Variants in CCDC61 observed in about 807,000 individuals in gnomAD.
CCDC61 encodes the protein coiled-coil domain containing 61.
A neutral mutation model predicts 63.0 loss-of-function variants in CCDC61; 55 were observed. The ratio of observed to expected loss-of-function variants is 0.87; its 90% CI spans 0.70 to 1.09. The LOEUF is 1.09. Ranked by LOEUF, CCDC61 falls within the 50% of genes least tolerant of loss-of-function variation. The pLI, the probability that CCDC61 is intolerant of heterozygous loss-of-function variation, is 0.00. For missense variants in CCDC61, 651 were observed against 731.4 expected (o/e 0.89, Z 1.27); for synonymous variants, 270 against 317.0 (o/e 0.85, Z 1.58).
At position 46,015,467 on chromosome 19, in the gene CCDC61, G is replaced by T. The variant is rs1163323246; in HGVS notation, c.845+40G>T. 1 of 1,566,160 alleles carries T rather than the reference G, an allele frequency of 6.4e-7. No individual in the cohort carries two copies. The highest frequency in any genetic ancestry group is 8.6e-7 in the Non-Finnish European group (1 of 1,161,042). Reference sequence around the variant, plus strand: ...TGCCAGGCGCCTGGGCGGATGGGCGGGCCCTGAGGGTGTGGAGGCTGATGA... The same window carrying T: ...TGCCAGGCGCCTGGGCGGATGGGCGTGCCCTGAGGGTGTGGAGGCTGATGA... On this transcript the variant is annotated intron_variant, in intron 7 of 13. Transcript: ENST00000595358. This position sits in a 1 kb window ranked among gnomAD's most constrained non-coding sequence, Gnocchi z 5.3.
intron 3 of CCDC61, among the ~76,000 whole-genome samples, chr19:46,005,270 A>G (rs200824072): frequency 1.4e-5 from 2 of 145,688 alleles, no homozygotes; most frequent in African/African-American, 2.5e-5. Flanking sequence ...TCGGCCTCCC[A>G]AAGTGCTGGG....
intron 4 of CCDC61, among the ~76,000 whole-genome samples, 185 bp downstream of exon 4, chr19:46,006,901 C>T (rs911568799): frequency 6.6e-6 from 1 of 152,212 alleles, no homozygotes; most frequent in Non-Finnish European, 1.5e-5. Flanking sequence ...GAATAACCAT[C>T]ACCAGTGCCC....
chr19:46,006,609 C>G lies in CCDC61; in HGVS notation c.282C>G (p.Ser94=). The change falls in exon 4 of 14, where the codon TCC becomes TCG. Residue 94 remains serine (S), a synonymous_variant. Transcript: ENST00000595358. ...TGCTGACCTACACAGACCTGGAGTC[C>G]CTGCGGAACCGCAAGATGGGGGGCC... is the stretch of plus-strand genomic sequence containing the variant. ...LDLLTYTDLE[S]LRNRKMGGRP... The G allele has an allele frequency of 6.2e-7, 1 of 1,613,608 alleles. No homozygotes were observed. Among genetic ancestry groups the G allele is most frequent in the Admixed American group, 1.7e-5 (1 of 59,974 alleles).
intron 1 of CCDC61, among the ~76,000 whole-genome samples, chr19:45,999,327 G>T (rs932437911): frequency 3.3e-5 from 5 of 152,010 alleles, no homozygotes; most frequent in South Asian, 2.1e-4. Flanking sequence ...GGCAGTGAAG[G>T]GGGGGTTCTA....
At position 46,016,131 on chromosome 19, in the gene CCDC61, G is replaced by A. The variant is rs570212080; in HGVS notation, c.923G>A (p.Arg308Gln). ...TCGTCCCGGGAGCGCTCCGCGTCGC[G>A]AGGCCGCGGCGCCGCGCGCTCCTCA... The part of the protein sequence containing the change: ...ASSSRERSAS[R>Q]GRGAARSSSR... Residue 308 changes from arginine to glutamine, a missense_variant, in exon 8 of 14, where the codon CGA (arginine) becomes CAA (glutamine). By Grantham distance (43) the Arg-to-Gln change is conservative (BLOSUM62 1). Coordinates refer to ENST00000595358, the MANE Select transcript of CCDC61 (RefSeq NM_001267723.2). This position sits in a 1 kb window ranked among gnomAD's most constrained non-coding sequence, Gnocchi z 7.2. The A allele has an allele frequency of 1.6e-6, 2 of 1,243,238 alleles. No individual in the cohort carries two copies. Among genetic ancestry groups the A allele is most frequent in the African/African-American group, 3.1e-5 (2 of 64,080 alleles). The allele number at this position is 1,243,238 out of a possible 1,614,324, so 77.0% of individuals were successfully genotyped here.
At chr19:46,004,804 A>G (rs976550759) in intron 3 of CCDC61, among the ~76,000 whole-genome samples, 13 of 144,956 alleles carry the variant, frequency 9.0e-5, no homozygotes, top group African/African-American at 3.3e-4. Context: ...GTTAGAACTT[A>G]GAGTGACAGG....
intron 1 of CCDC61, among the ~76,000 whole-genome samples, chr19:45,995,959 A>G (rs1347083100): frequency 1.3e-5 from 2 of 152,180 alleles, no homozygotes; most frequent in Non-Finnish European, 2.9e-5. Flanking sequence ...GTGAAGCCCT[A>G]TTATGCCTGT....
At chr19:46,004,276 A>C (rs898954598) in intron 3 of CCDC61, among the ~76,000 whole-genome samples, 5 of 152,146 alleles carry the variant, frequency 3.3e-5, no homozygotes, top group African/African-American at 1.2e-4. Flanking sequence ...AATATCTCAT[A>C]AAAATGTAGT....
intron 1 of CCDC61, among the ~76,000 whole-genome samples, chr19:45,999,526 C>T (rs1568686064): frequency 6.6e-6 from 1 of 151,920 alleles, no homozygotes; most frequent in Non-Finnish European, 1.5e-5. Flanking sequence ...GGGGAAACAG[C>T]CATCAGGTGT....
intron 3 of CCDC61, among the ~76,000 whole-genome samples, chr19:46,003,819 ACGTGTG>A (rs1165834405): frequency 6.2e-4 from 69 of 110,640 alleles, no homozygotes; most frequent in African/African-American, 2.4e-3. Flanking sequence ...GTTTCCAAAT[ACGTGTG>A]TGTGTGTGTG....
intron 11 of CCDC61, 34 bp downstream of exon 11, chr19:46,017,103 A>G (rs1187341760): frequency 1.9e-6 from 3 of 1,598,518 alleles, no homozygotes; most frequent in African/African-American, 2.7e-5. Flanking sequence ...GATCGCCTCC[A>G]AAGGGTTTCT....
chr19:46,015,037 C>A lies in CCDC61; in HGVS notation c.552-12C>A. On this transcript the variant is annotated splice_polypyrimidine_tract_variant and intron_variant, in intron 5 of 13. Coordinates refer to ENST00000595358, the MANE Select transcript of CCDC61 (RefSeq NM_001267723.2). This position sits in a 1 kb window ranked among gnomAD's most constrained non-coding sequence, Gnocchi z 5.3. ...GCCTCTCTCTCCAGCGCTCTCTCCG[C>A]GTCTTCCCCAGGGTGTCGCGCCTGG... 1.3e-6 allele frequency: 2 copies of A among 1,488,586 alleles called. No homozygotes were observed. The highest frequency in any genetic ancestry group is 1.4e-5 in the African/African-American group (1 of 68,994). The allele number at this position is 1,488,586 out of a possible 1,614,324, so 92.2% of individuals were successfully genotyped here. A position where few individuals can be genotyped will look rare whatever the true frequency, so the allele number is the denominator to read the frequency against.
chr19:46,011,523 A>G (rs1968828459), intron 5 of CCDC61, among the ~76,000 whole-genome samples: 1 of 152,176 alleles, frequency 6.6e-6, no homozygotes, highest in Non-Finnish European at 1.5e-5. Context: ...TTTGCTGATT[A>G]TATCGCCATG....
intron 5 of CCDC61, among the ~76,000 whole-genome samples, chr19:46,014,159 TTTC>T (rs749782557): frequency 1.3e-5 from 2 of 152,070 alleles, no homozygotes; most frequent in African/African-American, 2.4e-5. Context: ...TACTTCTGGT[TTTC>T]TTATTTTTTT....
At chr19:45,997,290 G>A (rs1022855071) in intron 1 of CCDC61, among the ~76,000 whole-genome samples, 1 of 152,106 alleles carries the variant, frequency 6.6e-6, no homozygotes, top group African/African-American at 2.4e-5. Context: ...TTCACAACCA[G>A]GCATTTGCTA....
chr19:46,004,779 A>C (rs1403741408), intron 3 of CCDC61, among the ~76,000 whole-genome samples: 2 of 150,230 alleles, frequency 1.3e-5, no homozygotes, highest in Non-Finnish European at 3.0e-5. Flanking sequence ...AGTAATAATC[A>C]GGGGGAAGAA....
chr19:46,007,126 G>A (rs929632719), intron 4 of CCDC61, among the ~76,000 whole-genome samples: 2 of 149,698 alleles, frequency 1.3e-5, no homozygotes, highest in Non-Finnish European at 1.5e-5. Flanking sequence ...TTGGCTCACC[G>A]CAACCTCTCC....
chr19:46,013,199 T>G (rs1600652033), intron 5 of CCDC61, among the ~76,000 whole-genome samples: 1 of 151,942 alleles, frequency 6.6e-6, no homozygotes, highest in Non-Finnish European at 1.5e-5. Context: ...TTTTTTTGAA[T>G]TTTTAGTAGA....
chr19:46,008,326 T>TGGGGGGGGGGGGGGGGG, intron 5 of CCDC61, 25 bp downstream of exon 5: 1 of 460,810 alleles, frequency 2.2e-6, no homozygotes, highest in East Asian at 5.9e-5. Context: ...GGTGGGCAGC[T>TGGGGGGGGGGGGGGGGG]GGGGCGGGTG....
Sources: allele counts gnomAD v4.1 joint callset (sites outside exome capture counted in the v4.1 genomes callset), GRCh38; gene constraint gnomAD v4.1.1; non-coding constraint Gnocchi (gnomAD v3.1); transcripts MANE v1.5; gene names NCBI Gene and HGNC (gene_info 2026-07-23, HGNC 2026-07-21).